ERCC6L2: variants seen among roughly 807,000 people sequenced by gnomAD.
ERCC6L2 encodes ERCC excision repair 6 like 2.
Under a neutral mutation model 132.0 loss-of-function variants are expected in ERCC6L2, and 77 were observed. The observed-to-expected ratio is 0.58, with a 90% confidence interval of 0.49 to 0.71. The LOEUF (loss-of-function observed/expected upper bound fraction) is 0.71, where lower values mean the gene tolerates loss of function less well. Among genes scored for constraint, ERCC6L2 ranks in the 30% least tolerant of loss-of-function variants. ERCC6L2 has a pLI of 0.00. For synonymous variants in ERCC6L2, 583 were observed against 632.4 expected, an observed-to-expected ratio of 0.92 and a Z score of 1.17; for missense variants, 1,542 against 1,837.6, an observed-to-expected ratio of 0.84 and a Z score of 2.94.
intron 2 of ERCC6L2, 62 bp from the exon 3 acceptor site, chr9:95,897,787 A>C: frequency 1.3e-6 from 2 of 1,535,844 alleles, no homozygotes; most frequent in South Asian, 2.3e-5. Flanking sequence ...TCATGTAAGC[A>C]GTGAAATTTT....
chr9:96,030,701 CAAAAAAA>C (rs35421948), intron 19 of ERCC6L2, among the ~76,000 whole-genome samples: 1 of 79,960 alleles, frequency 1.3e-5, no homozygotes. Context: ...GACTCCATCT[CAAAAAAA>C]AAAAAAAAAA....
intron 7 of ERCC6L2, 80 bp from the exon 8 acceptor site, chr9:95,922,225 T>G: frequency 1.6e-6 from 1 of 633,896 alleles, no homozygotes; most frequent in South Asian, 2.2e-5. Context: ...TAAATGTTAT[T>G]GTAAGTGATA....
chr9:95,991,441 T>C (rs1833298315), intron 17 of ERCC6L2, among the ~76,000 whole-genome samples: 1 of 152,212 alleles, frequency 6.6e-6, no homozygotes, highest in Non-Finnish European at 1.5e-5. Context: ...TGTATAATTG[T>C]TTGAGTTGCA....
At chr9:96,028,740 C>A (rs1834414626) in intron 19 of ERCC6L2, among the ~76,000 whole-genome samples, 1 of 152,312 alleles carries the variant, frequency 6.6e-6, no homozygotes, top group African/African-American at 2.4e-5. Context: ...AAGACTGACA[C>A]AGACCAGCAG....
At chr9:95,892,774 G>A (rs1230039899) in intron 2 of ERCC6L2, among the ~76,000 whole-genome samples, 1 of 152,038 alleles carries the variant, frequency 6.6e-6, no homozygotes, top group African/African-American at 2.4e-5. Flanking sequence ...ATATTTTGAA[G>A]CTCCGTTATT....
chr9:95,914,184 A>C (rs1201642831), intron 4 of ERCC6L2, among the ~76,000 whole-genome samples: 1 of 152,124 alleles, frequency 6.6e-6, no homozygotes, highest in African/African-American at 2.4e-5. Context: ...TAGCCATTCT[A>C]GTGGGTGTGT....
intron 20 of ERCC6L2, among the ~76,000 whole-genome samples, chr9:96,040,241 A>G (rs1245602703): frequency 6.7e-6 from 1 of 150,044 alleles, no homozygotes; most frequent in Non-Finnish European, 1.5e-5. Context: ...CTTCCTGCTC[A>G]TGTCCTTGTC....
intron 16 of ERCC6L2, among the ~76,000 whole-genome samples, chr9:95,974,857 AT>A (rs1588007844): frequency 6.6e-6 from 1 of 152,224 alleles, no homozygotes; most frequent in East Asian, 1.9e-4. Context: ...TTATACGTCC[AT>A]ATTTGTATTG....
chr9:95,903,477 T>A (rs972790717), intron 3 of ERCC6L2, among the ~76,000 whole-genome samples: 3 of 152,132 alleles, frequency 2.0e-5, no homozygotes, highest in African/African-American at 7.2e-5. Flanking sequence ...GAATTTATAG[T>A]TAACTTTGCT....
intron 3 of ERCC6L2, among the ~76,000 whole-genome samples, chr9:95,905,529 CA>C (rs894179337): frequency 1.3e-5 from 2 of 151,934 alleles, no homozygotes; most frequent in African/African-American, 4.8e-5. Context: ...TCGTAATATA[CA>C]AAAAAATCAA....
chr9:95,943,272 G>A (rs1279765639), intron 12 of ERCC6L2, among the ~76,000 whole-genome samples: 1 of 152,092 alleles, frequency 6.6e-6, no homozygotes, highest in Non-Finnish European at 1.5e-5. Flanking sequence ...AAGGGTAGAG[G>A]TGGGTAAAGT....
chr9:95,987,179 A>T (rs1168176129), intron 17 of ERCC6L2, among the ~76,000 whole-genome samples: 1 of 152,164 alleles, frequency 6.6e-6, no homozygotes, highest in Non-Finnish European at 1.5e-5. Flanking sequence ...GCCAAACCAT[A>T]TCATTCTGCC....
At chr9:96,020,210 C>T (rs1193683552), downstream of ERCC6L2, 2 of 157,678 alleles carry the variant, frequency 1.3e-5, no homozygotes, top group Non-Finnish European at 2.8e-5. Context: ...CTCACTGTCA[C>T]GAGAGCAGCG....
intron 18 of ERCC6L2, 46 bp downstream of exon 18, chr9:96,004,747 G>T (rs1833807829): frequency 8.5e-7 from 1 of 1,182,390 alleles, no homozygotes; most frequent in African/African-American, 1.6e-5. Flanking sequence ...AATTCTCAAA[G>T]GAAATGTAGC....
intron 19 of ERCC6L2, chr9:96,027,896 C>G (rs949491453): frequency 2.0e-5 from 3 of 152,380 alleles, no homozygotes; most frequent in Non-Finnish European, 4.4e-5. Flanking sequence ...CATGCAGAGC[C>G]CCGTCCCCGC....
intron 14 of ERCC6L2, chr9:95,968,490 G>A (rs1036631950): frequency 6.6e-6 from 1 of 152,076 alleles, no homozygotes; most frequent in African/African-American, 2.4e-5. Context: ...GGGCCAAAAG[G>A]TGCTTCTAAA....
intron 17 of ERCC6L2, among the ~76,000 whole-genome samples, chr9:95,989,037 A>C (rs1325017740): frequency 6.6e-6 from 1 of 152,204 alleles, no homozygotes; most frequent in African/African-American, 2.4e-5. Context: ...AGAGCTGCGC[A>C]GGGTAAGGTA....
chr9:96,012,878 C>G lies in ERCC6L2; in HGVS notation c.4328C>G (p.Ser1443Cys). 1 of 1,367,660 alleles carries G rather than the reference C, an allele frequency of 7.3e-7. No individual in the cohort carries two copies. 84.7% of individuals were successfully genotyped at this position (1,367,660 alleles called of 1,614,324 possible). A position where few individuals can be genotyped will look rare whatever the true frequency, so the allele number is the denominator to read the frequency against. The change falls in exon 19 of 19, where the codon TCT (serine) becomes TGT (cysteine). Residue 1443 changes from serine to cysteine, a missense_variant. By Grantham distance (112) the Ser-to-Cys change is moderately radical (BLOSUM62 -1). Around this residue, in one of 4 missense-constraint regions of ERCC6L2, gnomAD observed 442 missense variants for 583.4 expected, o/e 0.76. Coordinates refer to ENST00000653738, the MANE Select transcript of ERCC6L2 (RefSeq NM_020207.7). Reference protein sequence around the residue: ...TSVISLLGDTSILDDLFKSHG... With the variant: ...TSVISLLGDTCILDDLFKSHG... ...GTGATAAGCTTACTTGGTGATACCTCTATTCTTGATGACCTTTTTAAAAGT... is the reference window on the plus strand; with the variant it reads ...GTGATAAGCTTACTTGGTGATACCTGTATTCTTGATGACCTTTTTAAAAGT...
chr9:95,897,791 A>G, intron 2 of ERCC6L2, 58 bp from the exon 3 acceptor site: 1 of 1,575,604 alleles, frequency 6.3e-7, no homozygotes, highest in Non-Finnish European at 8.6e-7. Context: ...GTAAGCAGTG[A>G]AATTTTGTAC....
Sources: allele counts gnomAD v4.1 joint callset (sites outside exome capture counted in the v4.1 genomes callset), GRCh38; gene constraint gnomAD v4.1.1; regional missense constraint gnomAD v4.1.1; transcripts MANE v1.5; gene names NCBI Gene and HGNC (gene_info 2026-07-23, HGNC 2026-07-21).